Variants in MAGI1 observed in about 807,000 individuals in gnomAD.
The protein encoded by MAGI1 is membrane-associated guanylate kinase, WW and PDZ domain-containing protein 1.
Under a neutral mutation model 139.9 loss-of-function variants are expected in MAGI1, and 58 were observed. That is an observed-to-expected ratio of 0.41 (90% CI 0.34 to 0.52). The LOEUF is 0.52. Among genes scored for constraint, MAGI1 ranks in the 20% least tolerant of loss-of-function variants. The probability of loss-of-function intolerance (pLI) is 0.12; values close to 1 mark genes in which losing one functional copy is unlikely to be tolerated. For synonymous variants in MAGI1, 812 were observed against 737.9 expected (o/e 1.10, Z -1.63); for missense variants, 1,874 against 1,901.6 (o/e 0.99, Z 0.27).
intron 14 of MAGI1, among the ~76,000 whole-genome samples, chr3:65,385,960 G>GA (rs1943415928): frequency 6.6e-5 from 10 of 152,302 alleles, no homozygotes; most frequent in Middle Eastern, 3.4e-3. Context: ...GATTATTACT[G>GA]AAATAGACCA....
At chr3:65,609,276 CTTTT>C (rs201118711) in intron 2 of MAGI1, among the ~76,000 whole-genome samples, 1 of 148,840 alleles carries the variant, frequency 6.7e-6, no homozygotes, top group Non-Finnish European at 1.5e-5. Flanking sequence ...CTCTCTCTCT[CTTTT>C]TTTTGTTTTT....
Position 65,354,282 on chromosome 3 carries a change from T to C in MAGI1, c.*2096A>G, listed in dbSNP as rs550085814. On this transcript the variant is annotated 3_prime_UTR_variant, in exon 23 of 23. Transcript: ENST00000402939. ...AAAACTTTAATAATAAAAATAGCAT[T>C]CACAGACTTTTCCCTCCTTTTTAGC... 7 of 152,786 alleles carry C rather than the reference T, an allele frequency of 4.6e-5. No individual in the cohort carries two copies. In the South Asian group the frequency reaches 1.4e-3, roughly 32 times the overall value. The allele number at this position is 152,786 out of a possible 1,614,324, so 9.5% of individuals were successfully genotyped here.
intron 2 of MAGI1, among the ~76,000 whole-genome samples, chr3:65,616,393 T>C (rs1394983289): frequency 1.3e-5 from 2 of 152,074 alleles, no homozygotes; most frequent in African/African-American, 4.8e-5. Context: ...ACATCTGTGG[T>C]TAAATAGAAA....
At chr3:65,786,101 G>A (rs573548232) in intron 1 of MAGI1, among the ~76,000 whole-genome samples, 1 of 151,678 alleles carries the variant, frequency 6.6e-6, no homozygotes, top group Admixed American at 6.6e-5. Flanking sequence ...GATTATAGAC[G>A]CCTACCATCA....
chr3:65,493,694 C>G (rs759802339), intron 2 of MAGI1, 63 bp from the exon 3 acceptor site: 4 of 1,598,000 alleles, frequency 2.5e-6, no homozygotes, highest in Non-Finnish European at 3.4e-6. Context: ...AGTTCCACAT[C>G]CAGGTGTAAT....
At chr3:65,869,126 G>A (rs2059829330) in intron 1 of MAGI1, among the ~76,000 whole-genome samples, 1 of 149,524 alleles carries the variant, frequency 6.7e-6, no homozygotes, top group Non-Finnish European at 1.5e-5. Context: ...GTGGTGGCAG[G>A]CGCCTGTAGT....
chr3:65,528,145 A>G (rs1181606592), intron 2 of MAGI1, among the ~76,000 whole-genome samples: 1 of 152,190 alleles, frequency 6.6e-6, no homozygotes, highest in African/African-American at 2.4e-5. Flanking sequence ...CAAGAAAAAA[A>G]CTGAAACACC....
intron 1 of MAGI1, among the ~76,000 whole-genome samples, chr3:65,926,592 C>T (rs975821940): frequency 5.3e-5 from 8 of 152,286 alleles, no homozygotes; most frequent in African/African-American, 1.2e-4. Context: ...CCAAAACCTA[C>T]CAAAACCAAG....
intron 7 of MAGI1, among the ~76,000 whole-genome samples, chr3:65,445,888 C>T (rs1172243968): frequency 1.3e-5 from 2 of 152,202 alleles, no homozygotes; most frequent in Non-Finnish European, 2.9e-5. Flanking sequence ...ACATTGTTCA[C>T]TGAAAACCTG....
chr3:65,395,744 A>C (rs1233269733), intron 13 of MAGI1, among the ~76,000 whole-genome samples: 1 of 151,636 alleles, frequency 6.6e-6, no homozygotes. Context: ...CTGGGAGGCC[A>C]CATAACGCAT....
At position 65,702,092 on chromosome 3, in the gene MAGI1, G is replaced by A. The variant is rs1483669381; in HGVS notation, c.314-80004C>T. Among the ~76,000 whole-genome samples, 8 of 152,064 alleles carry A rather than the reference G, an allele frequency of 5.3e-5. No individual in the cohort carries two copies. The East Asian group carries it at 1.5e-3, about 29-fold the overall frequency. On this transcript the variant is annotated intron_variant, in intron 1 of 22. Coordinates refer to ENST00000402939, the MANE Select transcript of MAGI1 (RefSeq NM_001033057.2). ...ATGGAACATTTGCTATACTGAAGAT[G>A]ACAAATCTGAAGGTTTCTGATCAGT...
rs142524993 is a variant in MAGI1 at position 65,533,402 on chromosome 3, G to A, written c.431-39771C>T. ...TAGATAAGCTGACAGTAACTTTTGC[G>A]TTGTGTTTACTTAGGAAGAAACTCA... is the stretch of plus-strand genomic sequence containing the variant. On this transcript the variant is annotated intron_variant, in intron 2 of 22. Transcript: ENST00000402939. 2.2e-3 allele frequency among the ~76,000 whole-genome samples: 335 copies of A among 152,242 alleles called. 1 individual carries two copies. Among genetic ancestry groups the A allele is most frequent in the African/African-American group, 7.1e-3 (294 of 41,558 alleles).
intron 1 of MAGI1, among the ~76,000 whole-genome samples, chr3:65,751,824 C>T (rs2036176570): frequency 6.6e-6 from 1 of 152,210 alleles, no homozygotes. Context: ...AGTCAAAAGA[C>T]TTGATCTCCA....
intron 1 of MAGI1, among the ~76,000 whole-genome samples, chr3:65,711,143 G>T (rs1444765676): frequency 6.6e-6 from 1 of 152,210 alleles, no homozygotes; most frequent in Non-Finnish European, 1.5e-5. Context: ...TCTAGGTACA[G>T]TGTTAGATTT....
intron 1 of MAGI1, among the ~76,000 whole-genome samples, chr3:65,655,147 C>A (rs540804564): frequency 1.3e-5 from 2 of 152,028 alleles, no homozygotes; most frequent in Admixed American, 6.6e-5. Context: ...TAGAGTGGAG[C>A]GGGGATGTCT....
intron 1 of MAGI1, among the ~76,000 whole-genome samples, chr3:65,920,042 T>G (rs1283277210): frequency 1.3e-5 from 2 of 152,208 alleles, no homozygotes; most frequent in African/African-American, 4.8e-5. Context: ...TGACCCAGAC[T>G]AGACTTGGAA....
intron 1 of MAGI1, among the ~76,000 whole-genome samples, chr3:65,933,875 C>T (rs2062921494): frequency 6.6e-6 from 1 of 152,118 alleles, no homozygotes; most frequent in African/African-American, 2.4e-5. Context: ...CCTATAATCC[C>T]AGCACTTTGG....
At chr3:65,978,864 T>C (rs1326493046) in intron 1 of MAGI1, among the ~76,000 whole-genome samples, 1 of 151,942 alleles carries the variant, frequency 6.6e-6, no homozygotes, top group Non-Finnish European at 1.5e-5. Flanking sequence ...TGACCTCAAG[T>C]GATCTGCCCT....
At chr3:65,360,444 CTA>C (rs1259266335) in intron 22 of MAGI1, 7 of 981,992 alleles carry the variant, frequency 7.1e-6, no homozygotes, top group Non-Finnish European at 8.5e-6. Context: ...GAACACTAAG[CTA>C]TGTAAAGATC....
Sources: gnomAD v4.1 joint callset for allele counts (sites outside exome capture counted in the v4.1 genomes callset) on GRCh38, gnomAD v4.1.1 for gene constraint, MANE v1.5 for transcripts, NCBI Gene and HGNC (gene_info 2026-07-23, HGNC 2026-07-21) for gene names.